ADAMTSL1: variants seen among roughly 807,000 people sequenced by gnomAD.
ADAMTSL1 encodes the protein ADAMTS like 1, also known as ADAMTS-like protein 1.
ADAMTSL1 carries 126 observed loss-of-function variants against 201.8 expected under a neutral mutation model. The observed-to-expected ratio is 0.62, with a 90% CI of 0.54 to 0.72. ADAMTSL1 has a LOEUF of 0.72. Among genes scored for constraint, ADAMTSL1 ranks in the 30% least tolerant of loss-of-function variants. The probability of loss-of-function intolerance (pLI) is 0.00; values close to 1 mark genes in which losing one functional copy is unlikely to be tolerated. For synonymous variants in ADAMTSL1, 1,121 were observed against 903.4 expected (o/e 1.24, Z -4.32); for missense variants, 2,679 against 2,277.8 (o/e 1.18, Z -3.59).
chr9:18,615,904 G>C (rs1317788896), intron 4 of ADAMTSL1, among the ~76,000 whole-genome samples: 1 of 152,242 alleles, frequency 6.6e-6, no homozygotes, highest in African/African-American at 2.4e-5. Flanking sequence ...CCTGGTAGGA[G>C]GTATAGCTGC....
At chr9:18,144,224 T>G (rs79682169) in intron 1 of ADAMTSL1, among the ~76,000 whole-genome samples, 1 of 149,066 alleles carries the variant, frequency 6.7e-6, no homozygotes, top group Admixed American at 6.7e-5. Flanking sequence ...TCTTTCTTTT[T>G]TTGAGACCGA....
chr9:18,662,330 C>T (rs1190101271), intron 9 of ADAMTSL1, among the ~76,000 whole-genome samples: 1 of 152,174 alleles, frequency 6.6e-6, no homozygotes, highest in East Asian at 1.9e-4. Flanking sequence ...GTCATTTTCT[C>T]TTCTGATTTC....
intron 1 of ADAMTSL1, among the ~76,000 whole-genome samples, chr9:17,981,714 A>C (rs1818708015): frequency 6.6e-6 from 1 of 152,170 alleles, no homozygotes; most frequent in African/African-American, 2.4e-5. Context: ...GTATAAATCT[A>C]TTCAAGGTTC....
At chr9:18,505,040 A>C in intron 2 of ADAMTSL1, 84 bp downstream of exon 2, 1 of 1,482,794 alleles carries the variant, frequency 6.7e-7, no homozygotes, top group Non-Finnish European at 9.0e-7. Flanking sequence ...GTTTATGGAG[A>C]ACATTTTGTG....
At chr9:18,183,391 C>G (rs1828587376) in intron 2 of ADAMTSL1, among the ~76,000 whole-genome samples, 1 of 152,126 alleles carries the variant, frequency 6.6e-6, no homozygotes, top group Non-Finnish European at 1.5e-5. Flanking sequence ...TTCACTATAA[C>G]TAAAAACTTC....
At chr9:18,518,900 G>C (rs1173842438) in intron 2 of ADAMTSL1, among the ~76,000 whole-genome samples, 1 of 152,086 alleles carries the variant, frequency 6.6e-6, no homozygotes, top group Admixed American at 6.6e-5. Context: ...TAGAGACAGG[G>C]TTTCACCATG....
At chr9:18,221,553 T>A (rs1830260447) in intron 2 of ADAMTSL1, among the ~76,000 whole-genome samples, 2 of 152,174 alleles carry the variant, frequency 1.3e-5, no homozygotes, top group South Asian at 2.1e-4. Context: ...TTTTTTTGAA[T>A]GTAAGAGCTT....
chr9:18,639,816 G>A (rs1313041674), intron 7 of ADAMTSL1, among the ~76,000 whole-genome samples: 1 of 152,036 alleles, frequency 6.6e-6, no homozygotes, highest in Non-Finnish European at 1.5e-5. Flanking sequence ...TTCTTCCAAT[G>A]GCAAGCTCTG....
intron 2 of ADAMTSL1, among the ~76,000 whole-genome samples, chr9:18,391,692 A>G (rs184652444): frequency 3.3e-5 from 5 of 152,152 alleles, no homozygotes; most frequent in Non-Finnish European, 7.4e-5. Context: ...CTGAAAACCA[A>G]TTTTCTTTAG....
At chr9:18,548,378 G>T (rs373732164) in intron 3 of ADAMTSL1, among the ~76,000 whole-genome samples, 1 of 151,932 alleles carries the variant, frequency 6.6e-6, no homozygotes, top group Non-Finnish European at 1.5e-5. Flanking sequence ...AAATGGCCCC[G>T]AAGCATATGC....
At chr9:17,925,822 A>G (rs1042345918) in intron 1 of ADAMTSL1, among the ~76,000 whole-genome samples, 2 of 144,554 alleles carry the variant, frequency 1.4e-5, no homozygotes, top group African/African-American at 5.0e-5. Flanking sequence ...AACCTGCACA[A>G]TGTGCACATG....
chr9:18,149,189 C>T lies in ADAMTSL1; in HGVS notation c.88-14673C>T, dbSNP rs184431729. On this transcript the variant is annotated intron_variant, in intron 1 of 29. Transcript: ENST00000680146. ...AGACCCTTCTTAGTGAGCTCGTCAT[C>T]GGGCAAGGAGTCAGACTTACCGAGA... Among the ~76,000 whole-genome samples, 42 of 151,954 alleles carry T rather than the reference C, an allele frequency of 2.8e-4. No individual in the cohort carries two copies. The South Asian group carries it at 3.5e-3, about 13-fold the overall frequency.
chr9:18,836,072 A>G (rs1825292103), intron 23 of ADAMTSL1, among the ~76,000 whole-genome samples: 1 of 152,110 alleles, frequency 6.6e-6, no homozygotes, highest in Admixed American at 6.6e-5. Context: ...GTTCTTTGAG[A>G]AATATCCAAA....
At chr9:18,617,955 C>CA (rs369073847) in intron 4 of ADAMTSL1, among the ~76,000 whole-genome samples, 4 of 151,982 alleles carry the variant, frequency 2.6e-5, no homozygotes, top group African/African-American at 4.8e-5. Flanking sequence ...CCACTGTTTG[C>CA]AAAAAAATTT....
At chr9:18,560,333 C>T (rs1821403913) in intron 3 of ADAMTSL1, among the ~76,000 whole-genome samples, 1 of 152,136 alleles carries the variant, frequency 6.6e-6, no homozygotes, top group Non-Finnish European at 1.5e-5. Context: ...TATGTTGAAC[C>T]AGCCTTGCAT....
intron 15 of ADAMTSL1, among the ~76,000 whole-genome samples, chr9:18,748,204 C>T (rs1255034012): frequency 2.0e-5 from 3 of 152,138 alleles, no homozygotes; most frequent in Non-Finnish European, 1.5e-5. Context: ...ACCAGCCTCC[C>T]AAATATTTTG....
rs559707483 is a variant in ADAMTSL1 at position 18,673,976 on chromosome 9, AGATGT to A, written c.1086-1880_1086-1876del. On this transcript the variant is annotated intron_variant, in intron 9 of 28. Transcript: ENST00000380548. ...ACTAGATGTAAGAATGATTCTTACT[AGATGT>A]TAGAATGATTGTAACATGAGGAACG... 2.6e-5 allele frequency among the ~76,000 whole-genome samples: 4 copies of A among 152,272 alleles called. No individual in the cohort carries two copies. The East Asian group carries it at 7.7e-4, about 29-fold the overall frequency.
At chr9:18,699,790 G>T (rs572616) in intron 13 of ADAMTSL1, among the ~76,000 whole-genome samples, 29,472 of 152,000 alleles carry the variant, frequency 0.19, 2,987 homozygotes, top group East Asian at 0.31. Context: ...TTATATTTTT[G>T]ATTATTCTCC....
chr9:18,565,301 A>C (rs1490105543), intron 3 of ADAMTSL1, among the ~76,000 whole-genome samples: 1 of 152,198 alleles, frequency 6.6e-6, no homozygotes, highest in Non-Finnish European at 1.5e-5. Context: ...GTTCCATATT[A>C]TTTTCAAGGT....
Sources: gnomAD v4.1 joint callset for allele counts (sites outside exome capture counted in the v4.1 genomes callset) on GRCh38, gnomAD v4.1.1 for gene constraint, MANE v1.5 for transcripts, NCBI Gene and HGNC (gene_info 2026-07-23, HGNC 2026-07-21) for gene names.